The following MARCHF1 variants were observed in gnomAD, a reference collection of about 807,000 sequenced individuals.
MARCHF1 encodes the protein E3 ubiquitin-protein ligase MARCHF1.
MARCHF1 carries 40 observed loss-of-function variants against 54.2 expected under a neutral mutation model. The observed-to-expected ratio is 0.74, with a 90% CI of 0.57 to 0.96. The LOEUF (loss-of-function observed/expected upper bound fraction) is 0.96, where lower values mean the gene tolerates loss of function less well. Ranked by LOEUF, MARCHF1 falls within the 40% of genes least tolerant of loss-of-function variation. The probability of loss-of-function intolerance (pLI) is 0.00; values close to 1 mark genes in which losing one functional copy is unlikely to be tolerated. For missense variants in MARCHF1, 586 were observed against 656.5 expected (o/e 0.89, Z 1.17); for synonymous variants, 236 against 236.3 (o/e 1.00, Z 0.01).
chr4:163,725,229 A>C (rs1324554647), intron 4 of MARCHF1, among the ~76,000 whole-genome samples: 3 of 152,202 alleles, frequency 2.0e-5, no homozygotes, highest in Non-Finnish European at 2.9e-5. Context: ...TATTTTACTG[A>C]TAAGTTCATA....
At chr4:163,837,402 C>T (rs191417032) in intron 4 of MARCHF1, among the ~76,000 whole-genome samples, 3 of 152,182 alleles carry the variant, frequency 2.0e-5, no homozygotes, top group African/African-American at 4.8e-5. Context: ...ATTTTCAGTG[C>T]TAATTTAACA....
chr4:163,843,584 T>A (rs1167219110), intron 4 of MARCHF1, among the ~76,000 whole-genome samples: 1 of 152,044 alleles, frequency 6.6e-6, no homozygotes, highest in Non-Finnish European at 1.5e-5. Context: ...ATGCGCAGGT[T>A]TGTTACATAG....
intron 4 of MARCHF1, among the ~76,000 whole-genome samples, chr4:163,772,364 C>G (rs1025843726): frequency 2.6e-5 from 4 of 152,264 alleles, no homozygotes; most frequent in Non-Finnish European, 4.4e-5. Context: ...ACAAACTGAA[C>G]AGCCTCAAAC....
intron 2 of MARCHF1, among the ~76,000 whole-genome samples, chr4:164,038,230 A>G (rs1340055519): frequency 2.6e-5 from 4 of 152,256 alleles, no homozygotes; most frequent in African/African-American, 9.6e-5. Flanking sequence ...ACAGTGGCTT[A>G]TACCTGTAAT....
intron 1 of MARCHF1, chr4:164,197,271 G>A (rs765597024): frequency 6.2e-7 from 1 of 1,611,284 alleles, no homozygotes; most frequent in South Asian, 1.1e-5. Context: ...CCTCCTTGTG[G>A]TCCCAGTAAC....
In MARCHF1 at chr4:163,842,419, A is replaced by G. The variant is rs559244263; in HGVS notation, c.111+11602T>C. 8.0e-3 allele frequency among the ~76,000 whole-genome samples: 1,059 copies of G among 131,844 alleles called. 7 individuals are homozygous for G. The highest frequency in any genetic ancestry group is 0.036 in the Middle Eastern group (9 of 248). 86.5% of individuals were successfully genotyped at this position (131,844 alleles called of 152,430 possible). ...ATATATGTAAAATAAGTGTTTAGTA[A>G]TGGTTAGTTAAATATGAATTTAAAT... On this transcript the variant is annotated intron_variant, in intron 4 of 9. Coordinates refer to ENST00000514618, the MANE Select transcript of MARCHF1 (RefSeq NM_001394959.1).
At chr4:164,143,985 A>C (rs1376518188) in intron 1 of MARCHF1, among the ~76,000 whole-genome samples, 4 of 152,198 alleles carry the variant, frequency 2.6e-5, no homozygotes, top group Admixed American at 2.6e-4. Flanking sequence ...AAGATCTACC[A>C]AGCAAATGGA....
At chr4:164,027,154 C>T (rs1753786496) in intron 2 of MARCHF1, among the ~76,000 whole-genome samples, 1 of 151,812 alleles carries the variant, frequency 6.6e-6, no homozygotes, top group East Asian at 1.9e-4. Flanking sequence ...ATGGCCACCA[C>T]ACTGACCAAA....
chr4:163,781,550 C>T (rs1236567587), intron 4 of MARCHF1, among the ~76,000 whole-genome samples: 1 of 152,134 alleles, frequency 6.6e-6, no homozygotes, highest in Non-Finnish European at 1.5e-5. Flanking sequence ...GATGTCCTGA[C>T]TAATAATGTG....
chr4:164,003,642 T>C (rs1753228477), intron 2 of MARCHF1, among the ~76,000 whole-genome samples: 1 of 152,018 alleles, frequency 6.6e-6, no homozygotes, highest in African/African-American at 2.4e-5. Flanking sequence ...AAACAATGAA[T>C]GCTGTGAGGC....
chr4:164,223,623 C>T (rs990523572), intron 1 of MARCHF1, among the ~76,000 whole-genome samples: 1 of 151,712 alleles, frequency 6.6e-6, no homozygotes, highest in African/African-American at 2.4e-5. Context: ...TTCACAATGC[C>T]TTCATGCGCT....
chr4:163,784,961 G>A (rs1459394769), intron 4 of MARCHF1, among the ~76,000 whole-genome samples: 1 of 152,000 alleles, frequency 6.6e-6, no homozygotes, highest in East Asian at 1.9e-4. Context: ...CTGATCTGTA[G>A]GCCTCTCAAC....
In MARCHF1 at chr4:163,977,696, T is replaced by C. The variant is rs145081711; in HGVS notation, c.-39+10805A>G. Among the ~76,000 whole-genome samples, 667 of 152,302 alleles carry C rather than the reference T, an allele frequency of 4.4e-3. 5 individuals are homozygous for C. The highest frequency in any genetic ancestry group is 0.015 in the African/African-American group (638 of 41,582). ...ATTTAATGAAGTCATCATTGTGCAG[T>C]TGAAGAACATTTTAAGTGCTTTTCA... is the stretch of plus-strand genomic sequence containing the variant. On this transcript the variant is annotated intron_variant, in intron 3 of 9. Transcript: ENST00000514618.
At chr4:163,904,083 C>G (rs1465401573) in intron 3 of MARCHF1, among the ~76,000 whole-genome samples, 3 of 152,086 alleles carry the variant, frequency 2.0e-5, no homozygotes, top group African/African-American at 7.2e-5. Flanking sequence ...ATTTGTCATA[C>G]TTATAAGAAT....
intron 1 of MARCHF1, among the ~76,000 whole-genome samples, chr4:164,367,720 G>C (rs1259759060): frequency 2.6e-5 from 1 of 37,806 alleles, no homozygotes; most frequent in Non-Finnish European, 7.0e-5. Flanking sequence ...TAAAAATTAG[G>C]TTGTTTTTAT....
At chr4:163,868,638 A>G (rs575833354) in intron 3 of MARCHF1, among the ~76,000 whole-genome samples, 3 of 152,118 alleles carry the variant, frequency 2.0e-5, no homozygotes, top group Admixed American at 6.6e-5. Flanking sequence ...AGCCGATCCC[A>G]TGAGACCTAA....
At chr4:164,203,692 C>G (rs1731520260) in intron 1 of MARCHF1, among the ~76,000 whole-genome samples, 1 of 152,138 alleles carries the variant, frequency 6.6e-6, no homozygotes, top group African/African-American at 2.4e-5. Flanking sequence ...AATGCCCCAG[C>G]CAAGTTGACA....
At chr4:163,580,062 A>ATTTAT (rs1553993936) in intron 8 of MARCHF1, among the ~76,000 whole-genome samples, 16 of 144,276 alleles carry the variant, frequency 1.1e-4, no homozygotes, top group African/African-American at 1.5e-4. Context: ...AGCCTTATTT[A>ATTTAT]TTATTTATTT....
chr4:163,634,622 A>C (rs1467782898), intron 5 of MARCHF1, among the ~76,000 whole-genome samples: 1 of 152,120 alleles, frequency 6.6e-6, no homozygotes, highest in Admixed American at 6.5e-5. Flanking sequence ...CTACAAAGAG[A>C]CTTAGACTCC....
Sources: allele counts gnomAD v4.1 joint callset (sites outside exome capture counted in the v4.1 genomes callset), GRCh38; gene constraint gnomAD v4.1.1; transcripts MANE v1.5; gene names NCBI Gene and HGNC (gene_info 2026-07-23, HGNC 2026-07-21).